The following PAFAH1B2 variants were observed in gnomAD, a reference collection of about 807,000 sequenced individuals.
The protein encoded by PAFAH1B2 is platelet activating factor acetylhydrolase 1b catalytic subunit 2, also known as platelet-activating factor acetylhydrolase IB subunit alpha2.
PAFAH1B2 carries 8 observed loss-of-function variants against 28.0 expected under a neutral mutation model. The ratio of observed to expected loss-of-function variants is 0.29; its 90% CI spans 0.17 to 0.52. PAFAH1B2 has a LOEUF of 0.52. Ranked by LOEUF, PAFAH1B2 falls within the 20% of genes least tolerant of loss-of-function variation. The pLI is 0.97. For synonymous variants in PAFAH1B2, 104 were observed against 103.2 expected (o/e 1.01, Z -0.05); for missense variants, 190 against 282.6 (o/e 0.67, Z 2.35).
chr11:117,155,211 T>A (rs1956232628), intron 2 of PAFAH1B2, among the ~76,000 whole-genome samples: 1 of 151,366 alleles, frequency 6.6e-6, no homozygotes, highest in African/African-American at 2.5e-5. Flanking sequence ...CACCTTAGCC[T>A]CCCAAAATGC....
chr11:117,174,621 A>C (rs1259820470), downstream of PAFAH1B2, among the ~76,000 whole-genome samples: 1 of 152,104 alleles, frequency 6.6e-6, no homozygotes, highest in African/African-American at 2.4e-5. Context: ...CGGGATCATA[A>C]GCATGTGCCA....
At chr11:117,160,641 G>A (rs977439483) in intron 3 of PAFAH1B2, among the ~76,000 whole-genome samples, 3 of 152,128 alleles carry the variant, frequency 2.0e-5, no homozygotes, top group African/African-American at 4.8e-5. Flanking sequence ...ATTTTTAGTG[G>A]AGACGGGGTT....
At chr11:117,172,548 C>CT (rs1305494749), downstream of PAFAH1B2, among the ~76,000 whole-genome samples, 3 of 151,782 alleles carry the variant, frequency 2.0e-5, no homozygotes, top group Non-Finnish European at 4.4e-5. Context: ...AATGTAACAT[C>CT]TAACAGTCTC....
chr11:117,174,162 TTTTG>T (rs1389606834), downstream of PAFAH1B2, among the ~76,000 whole-genome samples: 8 of 84,830 alleles, frequency 9.4e-5, no homozygotes, highest in African/African-American at 1.9e-4. Flanking sequence ...TCTTCATGTC[TTTTG>T]TGTGTGTGTG....
intron 1 of PAFAH1B2, among the ~76,000 whole-genome samples, chr11:117,149,429 C>CTTTTT (rs1565260556): frequency 6.0e-5 from 2 of 33,516 alleles, no homozygotes; most frequent in African/African-American, 2.1e-4. Context: ...GTTTTCTAAT[C>CTTTTT]GTTTTTTTTT....
chr11:117,160,734 G>A (rs1956354082), intron 3 of PAFAH1B2, among the ~76,000 whole-genome samples: 1 of 151,890 alleles, frequency 6.6e-6, no homozygotes, highest in Non-Finnish European at 1.5e-5. Context: ...TGGGATTATA[G>A]GCATGGGCCA....
intron 3 of PAFAH1B2, 72 bp downstream of exon 3, chr11:117,160,095 T>G (rs930427053): frequency 9.4e-7 from 1 of 1,060,764 alleles, no homozygotes; most frequent in Non-Finnish European, 1.5e-6. Context: ...AGACTTTCAT[T>G]CTGAGCTGAA....
At chr11:117,173,180 T>C, downstream of PAFAH1B2, among the ~76,000 whole-genome samples, 1 of 152,230 alleles carries the variant, frequency 6.6e-6, no homozygotes, top group Non-Finnish European at 1.5e-5. Flanking sequence ...GTTGGTTTCA[T>C]CACGTGGCCA....
In PAFAH1B2 at chr11:117,163,835, C is replaced by T. The variant is rs766629958; in HGVS notation, c.354C>T (p.Ile118=). 5.6e-6 allele frequency: 9 copies of T among 1,613,704 alleles called. No homozygotes were observed. The highest frequency in any genetic ancestry group is 2.2e-5 in the South Asian group (2 of 91,070). ...ENTAEEVAGG[I]EAIVQLINTR... ...CAGCAGAAGAAGTAGCAGGTGGGAT[C>T]GAGGCCATTGTACAACTTATCAACA... The change falls in exon 5 of 6, where the codon ATC becomes ATT. Residue 118 remains isoleucine (I), a synonymous_variant. Coordinates refer to ENST00000527958, the MANE Select transcript of PAFAH1B2 (RefSeq NM_002572.4).
At position 117,167,649 on chromosome 11, in the gene PAFAH1B2, A is replaced by G; in HGVS notation, c.640A>G (p.Met214Val). Residue 214 changes from methionine (M) to valine (V), a missense_variant, in exon 6 of 6, where the codon ATG becomes GTG. By Grantham distance (21) the Met-to-Val change is conservative. Transcript: ENST00000527958. Reference sequence around the variant, plus strand: ...CTGCAAACCCCTGCATGAACTGATCATGCAGTTGTTGGAGGAAACACCTGA... The same window carrying G: ...CTGCAAACCCCTGCATGAACTGATCGTGCAGTTGTTGGAGGAAACACCTGA... ...KICKPLHELI[M>V]QLLEETPEEK... 6.3e-7 allele frequency: 1 copy of G among 1,583,210 alleles called. No individual in the cohort carries two copies. The highest frequency in any genetic ancestry group is 8.6e-7 in the Non-Finnish European group (1 of 1,158,284).
downstream of PAFAH1B2, chr11:117,171,712 G>C: frequency 6.5e-7 from 1 of 1,535,966 alleles, no homozygotes; most frequent in African/African-American, 1.4e-5. Context: ...CTATCCTGAT[G>C]ACACACCAGC....
At position 117,168,446 on chromosome 11, in the gene PAFAH1B2, G is replaced by GTTTTTTTTTTTTTT. The variant is rs71469127; in HGVS notation, c.*759_*772dup. 7.4e-4 allele frequency: 174 copies of GTTTTTTTTTTTTTT among 235,868 alleles called. No individual in the cohort carries two copies. Among genetic ancestry groups the GTTTTTTTTTTTTTT allele is most frequent in the Middle Eastern group, 1.9e-3 (1 of 518 alleles). The allele number at this position is 235,868 out of a possible 1,614,324, so 14.6% of individuals were successfully genotyped here. On this transcript the variant is annotated 3_prime_UTR_variant, in exon 6 of 6. Transcript: ENST00000527958. ...TCCCCTTCATTCCCCCCGCCACCCC[G>GTTTTTTTTTTTTTT]TTTTTTTTTTTTTTTTTTTTTTTTT...
At chr11:117,146,926 A>G (rs1296319535) in intron 1 of PAFAH1B2, among the ~76,000 whole-genome samples, 1 of 151,500 alleles carries the variant, frequency 6.6e-6, no homozygotes, top group African/African-American at 2.4e-5. Flanking sequence ...TGATTTCTCC[A>G]CTGTGCTTCA....
Position 117,170,458 on chromosome 11 carries a change from T to C in PAFAH1B2, c.*2759T>C, listed in dbSNP as rs1956625982. The C allele has an allele frequency of 2.8e-6, 3 of 1,060,098 alleles. No individual in the cohort carries two copies. Among genetic ancestry groups the C allele is most frequent in the Non-Finnish European group, 3.4e-6 (3 of 876,466 alleles). The allele number at this position is 1,060,098 out of a possible 1,614,324, so 65.7% of individuals were successfully genotyped here. A position where few individuals can be genotyped will look rare whatever the true frequency, so the allele number is the denominator to read the frequency against. ...ACGGGTGATCTAGGGCAGGCTGTCT[T>C]CCAGTCCATGTGTTCTCGGTCGCCG... On this transcript the variant is annotated 3_prime_UTR_variant, in exon 6 of 6. Coordinates refer to ENST00000527958, the MANE Select transcript of PAFAH1B2 (RefSeq NM_002572.4).
At chr11:117,160,462 G>A (rs1363144649) in intron 3 of PAFAH1B2, among the ~76,000 whole-genome samples, 2 of 152,058 alleles carry the variant, frequency 1.3e-5, no homozygotes, top group Non-Finnish European at 2.9e-5. Context: ...TTCTTCCATG[G>A]GAAATTTATT....
In PAFAH1B2 at chr11:117,169,994, A is replaced by T; in HGVS notation, c.*2295A>T. 1 of 1,054,228 alleles carries T rather than the reference A, an allele frequency of 9.5e-7. No individual in the cohort carries two copies. The highest frequency in any genetic ancestry group is 5.4e-5 in the Admixed American group (1 of 18,374). The allele number at this position is 1,054,228 out of a possible 1,614,324, so 65.3% of individuals were successfully genotyped here. On this transcript the variant is annotated 3_prime_UTR_variant, in exon 6 of 6. Coordinates refer to ENST00000527958, the MANE Select transcript of PAFAH1B2 (RefSeq NM_002572.4). ...CAAACCTCAGATGTTACTACATTTT[A>T]TATCTACCAGAGCTATTCAAGCAAT...
downstream of PAFAH1B2, chr11:117,175,438 G>A: frequency 9.6e-7 from 1 of 1,037,448 alleles, no homozygotes; most frequent in South Asian, 4.5e-5. Context: ...GCAAGAAAAT[G>A]TGCAGTTGCT....
At chr11:117,177,665 G>C (rs1254041540), downstream of PAFAH1B2, among the ~76,000 whole-genome samples, 1 of 152,224 alleles carries the variant, frequency 6.6e-6, no homozygotes, top group Non-Finnish European at 1.5e-5. Context: ...CTCCCCAGTA[G>C]CTGGGATTAC....
intron 2 of PAFAH1B2, among the ~76,000 whole-genome samples, chr11:117,153,610 C>G (rs1022986850): frequency 2.0e-5 from 3 of 152,094 alleles, no homozygotes; most frequent in African/African-American, 7.2e-5. Flanking sequence ...AGGCTGGTTT[C>G]AAACTCCTGA....
Sources: gnomAD v4.1 joint callset for allele counts (sites outside exome capture counted in the v4.1 genomes callset) on GRCh38, gnomAD v4.1.1 for gene constraint, MANE v1.5 for transcripts, NCBI Gene and HGNC (gene_info 2026-07-23, HGNC 2026-07-21) for gene names.